PPP1R14C: variants seen among roughly 807,000 people sequenced by gnomAD.
PPP1R14C encodes protein phosphatase 1 regulatory inhibitor subunit 14C.
PPP1R14C carries 16 observed loss-of-function variants against 20.4 expected under a neutral mutation model. The ratio of observed to expected loss-of-function variants is 0.78; its 90% CI spans 0.53 to 1.19. The LOEUF (loss-of-function observed/expected upper bound fraction) is 1.19. Ranked by LOEUF, PPP1R14C falls within the 50% of genes most tolerant of loss-of-function variation. PPP1R14C has a pLI of 0.00. For synonymous variants in PPP1R14C, 91 were observed against 91.0 expected (o/e 1.00, Z 0.00); for missense variants, 211 against 220.1 (o/e 0.96, Z 0.26).
intron 1 of PPP1R14C, chr6:150,194,676 C>T (rs1777782164): frequency 7.1e-6 from 7 of 985,414 alleles, no homozygotes; most frequent in Non-Finnish European, 8.4e-6. Context: ...ACAAACAGTT[C>T]TGTCCTTGGT....
chr6:150,152,345 T>G (rs1777258649), intron 1 of PPP1R14C, among the ~76,000 whole-genome samples: 1 of 152,144 alleles, frequency 6.6e-6, no homozygotes, highest in African/African-American at 2.4e-5. Context: ...CTCCCCACGG[T>G]GCTTCAGAGC....
chr6:150,205,976 C>T (rs1297632405), intron 1 of PPP1R14C, among the ~76,000 whole-genome samples: 3 of 152,018 alleles, frequency 2.0e-5, no homozygotes, highest in African/African-American at 7.3e-5. Context: ...AGAATGAGAA[C>T]CCATCAATGG....
At chr6:150,175,979 C>G (rs555195086) in intron 1 of PPP1R14C, among the ~76,000 whole-genome samples, 1 of 152,202 alleles carries the variant, frequency 6.6e-6, no homozygotes, top group Non-Finnish European at 1.5e-5. Context: ...ACCGGCCACA[C>G]CTGTCATAAG....
At chr6:150,220,638 C>T (rs1427284637) in intron 3 of PPP1R14C, among the ~76,000 whole-genome samples, 3 of 152,210 alleles carry the variant, frequency 2.0e-5, no homozygotes, top group African/African-American at 4.8e-5. Context: ...CTTCAGTTCT[C>T]CACCTAAGTG....
intron 1 of PPP1R14C, among the ~76,000 whole-genome samples, chr6:150,206,971 TCTC>T (rs1777960220): frequency 6.6e-6 from 1 of 152,046 alleles, no homozygotes. Context: ...TTCCTGCGAT[TCTC>T]CTGCCTCAGC....
intron 1 of PPP1R14C, among the ~76,000 whole-genome samples, chr6:150,168,425 T>C (rs561269827): frequency 5.9e-5 from 9 of 151,946 alleles, no homozygotes; most frequent in South Asian, 2.1e-4. Context: ...CCCAGCTACT[T>C]GGGAGGCTGA....
intron 1 of PPP1R14C, among the ~76,000 whole-genome samples, chr6:150,211,305 G>A (rs1778022008): frequency 6.6e-6 from 1 of 152,242 alleles, no homozygotes. Context: ...CGACAAGAAA[G>A]ATGTGTAGAG....
chr6:150,247,343 A>C (rs1260213630), intron 3 of PPP1R14C, among the ~76,000 whole-genome samples: 1 of 152,212 alleles, frequency 6.6e-6, no homozygotes, highest in Admixed American at 6.5e-5. Flanking sequence ...GTATTTGACA[A>C]ATATAAAACA....
chr6:150,224,580 A>G (rs1157363808), intron 3 of PPP1R14C, among the ~76,000 whole-genome samples: 1 of 151,078 alleles, frequency 6.6e-6, no homozygotes, highest in Non-Finnish European at 1.5e-5. Flanking sequence ...CAAAGGCATT[A>G]TTTCTGTTAT....
intron 1 of PPP1R14C, among the ~76,000 whole-genome samples, chr6:150,158,390 TAATTTAATCAACACTCCAG>T (rs940824114): frequency 2.0e-5 from 3 of 152,264 alleles, no homozygotes; most frequent in South Asian, 4.1e-4. Flanking sequence ...GACTATAGAA[TAATTTAATCAACACTCCAG>T]AATCTAATCA....
chr6:150,148,436 C>A (rs1179454662), intron 1 of PPP1R14C, among the ~76,000 whole-genome samples: 1 of 152,240 alleles, frequency 6.6e-6, no homozygotes, highest in Non-Finnish European at 1.5e-5. Context: ...CATGGTTTGC[C>A]TGTTCCCAGA....
chr6:150,212,229 G>A (rs755527086), intron 1 of PPP1R14C, among the ~76,000 whole-genome samples: 1 of 152,228 alleles, frequency 6.6e-6, no homozygotes. Flanking sequence ...CACTTGCCTC[G>A]TGTAGCTATT....
At chr6:150,181,786 GTA>G (rs1269092102) in intron 1 of PPP1R14C, among the ~76,000 whole-genome samples, 1 of 152,158 alleles carries the variant, frequency 6.6e-6, no homozygotes, top group East Asian at 1.9e-4. Flanking sequence ...TACTTTTTGT[GTA>G]TATGTGTTAA....
intron 1 of PPP1R14C, among the ~76,000 whole-genome samples, chr6:150,207,429 C>G (rs990267809): frequency 3.9e-5 from 6 of 152,210 alleles, no homozygotes; most frequent in African/African-American, 1.2e-4. Flanking sequence ...TCGCATCAGG[C>G]AAGCTCATCT....
At chr6:150,175,925 C>T (rs1238678501) in intron 1 of PPP1R14C, among the ~76,000 whole-genome samples, 1 of 152,158 alleles carries the variant, frequency 6.6e-6, no homozygotes, top group African/African-American at 2.4e-5. Context: ...CTTCAGCAGG[C>T]CCTGAATATC....
intron 3 of PPP1R14C, among the ~76,000 whole-genome samples, chr6:150,217,849 A>G (rs1450514822): frequency 1.3e-5 from 2 of 152,200 alleles, no homozygotes; most frequent in East Asian, 1.9e-4. Flanking sequence ...TCTAATTAAA[A>G]GGGGGGAGGA....
intron 1 of PPP1R14C, among the ~76,000 whole-genome samples, chr6:150,181,058 C>A (rs562700440): frequency 1.1e-4 from 16 of 152,226 alleles, no homozygotes; most frequent in Admixed American, 6.5e-4. Context: ...TTACTGATGT[C>A]TTTTTTAAAA....
At chr6:150,218,930 G>A (rs1042923734) in intron 3 of PPP1R14C, among the ~76,000 whole-genome samples, 9 of 152,040 alleles carry the variant, frequency 5.9e-5, no homozygotes, top group African/African-American at 2.2e-4. Context: ...GGAATTACAG[G>A]CATGAGCCAC....
intron 1 of PPP1R14C, among the ~76,000 whole-genome samples, chr6:150,145,034 G>C (rs765289432): frequency 6.6e-6 from 1 of 151,716 alleles, no homozygotes; most frequent in African/African-American, 2.4e-5. Flanking sequence ...GAAAAGATTC[G>C]AATTAATAGA....
Sources: allele counts gnomAD v4.1 joint callset (sites outside exome capture counted in the v4.1 genomes callset), GRCh38; gene constraint gnomAD v4.1.1; transcripts MANE v1.5; gene names NCBI Gene and HGNC (gene_info 2026-07-23, HGNC 2026-07-21).